RND1: variants seen among roughly 807,000 people sequenced by gnomAD.
RND1 encodes the protein Rho family GTPase 1.
In RND1, 9 loss-of-function variants were observed where a neutral mutation model predicts 27.1. That is an observed-to-expected ratio of 0.33 (90% CI 0.20 to 0.58). The LOEUF is 0.58. Among genes scored for constraint, RND1 ranks in the 20% least tolerant of loss-of-function variants. The probability of loss-of-function intolerance (pLI) is 0.86; values close to 1 mark genes in which losing one functional copy is unlikely to be tolerated. For synonymous variants in RND1, 108 were observed against 115.7 expected (o/e 0.93, Z 0.43); for missense variants, 253 against 292.2 (o/e 0.87, Z 0.98).
intron 4 of RND1, 126 bp from the exon 5 acceptor site, chr12:48,858,367 G>T: frequency 1.0e-6 from 1 of 969,096 alleles, no homozygotes; most frequent in South Asian, 1.9e-5. Context: ...ACCACCCTCT[G>T]CAGATTATTC....
Position 48,865,810 on chromosome 12 carries a change from G to C in RND1, c.-43C>G. ...GACTTGAACTTCGATTCAGAAGGGA[G>C]GGTTGCGCCAGGTGCGTCTCAGCAC... On this transcript the variant is annotated 5_prime_UTR_variant, in exon 1 of 5. Transcript: ENST00000309739. The C allele has an allele frequency of 6.5e-7, 1 of 1,546,772 alleles. No homozygotes were observed. Among genetic ancestry groups the C allele is most frequent in the Non-Finnish European group, 8.8e-7 (1 of 1,140,218 alleles).
chr12:48,858,615 A>G (rs569293638), intron 4 of RND1: 1 of 176,716 alleles, frequency 5.7e-6, no homozygotes, highest in South Asian at 1.7e-4. Flanking sequence ...GGAGTTCAAG[A>G]CCAGCCTAGG....
chr12:48,860,435 C>T (rs1306861052), intron 4 of RND1, among the ~76,000 whole-genome samples: 2 of 151,712 alleles, frequency 1.3e-5, no homozygotes, highest in Non-Finnish European at 2.9e-5. Flanking sequence ...GTCACTCAGG[C>T]TGGAGTGCAG....
rs747518095 is a variant in RND1 at position 48,857,954 on chromosome 12, A to AGGGAGGAAGTAGGGGTTG, written c.*41_*42insCAACCCCTACTTCCTCCC. Reference sequence around the variant, plus strand: ...CCTCTCCCCGTGCCTCTGCACCCCAAGGGAGGAAGTAGGGGGTTGTCTCCC... The same window carrying AGGGAGGAAGTAGGGGTTG: ...CCTCTCCCCGTGCCTCTGCACCCCAAGGGAGGAAGTAGGGGTTGGGGAGGAAGTAGGGGGTTGTCTCCC... On this transcript the variant is annotated 3_prime_UTR_variant, in exon 5 of 5. Transcript: ENST00000309739. The AGGGAGGAAGTAGGGGTTG allele has an allele frequency of 5.8e-5, 90 of 1,550,730 alleles. No homozygotes were observed. In the African/African-American group the frequency reaches 1.1e-3, roughly 19 times the overall value.
intron 4 of RND1, among the ~76,000 whole-genome samples, chr12:48,860,691 T>A (rs1390778682): frequency 9.7e-5 from 14 of 144,470 alleles, no homozygotes; most frequent in Non-Finnish European, 2.1e-4. Flanking sequence ...ATGAGCCACC[T>A]TGCACCTGGC....
At chr12:48,858,369 A>C in intron 4 of RND1, 128 bp from the exon 5 acceptor site, 1 of 926,508 alleles carries the variant, frequency 1.1e-6, no homozygotes, top group Non-Finnish European at 1.5e-6. Flanking sequence ...CACCCTCTGC[A>C]GATTATTCGA....
intron 2 of RND1, among the ~76,000 whole-genome samples, chr12:48,862,907 G>C (rs1938934670): frequency 6.6e-6 from 1 of 152,078 alleles, no homozygotes; most frequent in Non-Finnish European, 1.5e-5. Context: ...TCCGTGCTCA[G>C]AATAGCAAGC....
chr12:48,865,539 T>A (rs763513810), intron 1 of RND1, 109 bp downstream of exon 1: 100 of 1,309,460 alleles, frequency 7.6e-5, no homozygotes, highest in Non-Finnish European at 7.9e-5. Context: ...AGAAAGCGGC[T>A]GAGGATGGGC....
chr12:48,862,402 T>C (rs1938929979), intron 2 of RND1, among the ~76,000 whole-genome samples: 1 of 152,188 alleles, frequency 6.6e-6, no homozygotes, highest in South Asian at 2.1e-4. Flanking sequence ...ATTGGAGATC[T>C]ACTAGTTTTC....
chr12:48,861,356 C>A (rs1938917307), intron 3 of RND1, among the ~76,000 whole-genome samples: 1 of 152,126 alleles, frequency 6.6e-6, no homozygotes, highest in Non-Finnish European at 1.5e-5. Context: ...GAGCCTGTTC[C>A]CCCAGTCTAT....
chr12:48,865,738 G>T lies in RND1; in HGVS notation c.30C>A (p.Val10=). 6.2e-7 allele frequency: 1 copy of T among 1,608,688 alleles called. No individual in the cohort carries two copies. The highest frequency in any genetic ancestry group is 8.5e-7 in the Non-Finnish European group (1 of 1,175,866). The change falls in exon 1 of 5, where the codon GTC becomes GTA. Residue 10 remains valine, a synonymous_variant. Coordinates refer to ENST00000309739, the MANE Select transcript of RND1 (RefSeq NM_014470.4). The part of the protein sequence containing the change: MKERRAPQP[V]VARCKLVLVG... ...CCAGAACGAGCTTACATCTGGCCAC[G>T]ACTGGCTGGGGGGCCCGTCTCTCCT...
intron 1 of RND1, 56 bp downstream of exon 1, chr12:48,865,592 C>T (rs1454760272): frequency 6.4e-7 from 1 of 1,560,602 alleles, no homozygotes; most frequent in East Asian, 2.4e-5. Flanking sequence ...TGGAAATCTA[C>T]CCCAAGGCGG....
At chr12:48,864,650 C>T in intron 2 of RND1, 133 bp downstream of exon 2, 1 of 739,678 alleles carries the variant, frequency 1.4e-6, no homozygotes, top group Non-Finnish European at 2.4e-6. Flanking sequence ...GTCAGCCCTC[C>T]CCACAACTAA....
At position 48,858,095 on chromosome 12, in the gene RND1, G is replaced by A. The variant is rs1352922138; in HGVS notation, c.600C>T (p.Val200=). The A allele has an allele frequency of 1.9e-6, 3 of 1,614,216 alleles. No homozygotes were observed. ...KPSPLPQKSP[V]RSLSKRLLHL... is the part of the protein sequence containing the mutation. ...GGAGCAGTCGTTTGGAGAGGCTTCG[G>A]ACAGGGCTCTTCTGGGGCAGTGGGC... The change falls in exon 5 of 5, where the codon GTC becomes GTT. Residue 200 remains valine, a synonymous_variant. Coordinates refer to ENST00000309739, the MANE Select transcript of RND1 (RefSeq NM_014470.4).
At chr12:48,860,067 C>CTT (rs2137507405) in intron 4 of RND1, among the ~76,000 whole-genome samples, 1 of 148,328 alleles carries the variant, frequency 6.7e-6, no homozygotes, top group East Asian at 2.1e-4. Flanking sequence ...CATGAGCCAC[C>CTT]ACACCTGGCC....
At chr12:48,859,710 G>A (rs147977661) in intron 4 of RND1, among the ~76,000 whole-genome samples, 108 of 152,224 alleles carry the variant, frequency 7.1e-4, no homozygotes, top group African/African-American at 2.4e-3. Flanking sequence ...AACATACTGA[G>A]ACCTTGTCTC....
Position 48,857,847 on chromosome 12 carries a change from C to G in RND1, c.*149G>C. On this transcript the variant is annotated 3_prime_UTR_variant, in exon 5 of 5. Transcript: ENST00000309739. ...CTCATGCCGGGCCTGGCTCCTTCCT[C>G]GCCCCATTCCTGTCTCCTTCCAAGC... 1 of 901,132 alleles carries G rather than the reference C, an allele frequency of 1.1e-6. No homozygotes were observed. The highest frequency in any genetic ancestry group is 2.9e-5 in the East Asian group (1 of 35,002). The allele number at this position is 901,132 out of a possible 1,614,324, so 55.8% of individuals were successfully genotyped here.
rs764035056 is a variant in RND1, at chr12:48,858,213, G to A, written c.482C>T (p.Ala161Val). ...AGCTGAGCCTTCCAGGTAGATTTCT[G>A]CACCCAGCTGCTTTGCTATTGCACA... ...QGCAIAKQLG[A>V]EIYLEGSAFT... The change falls in exon 5 of 5, where the codon GCA becomes GTA. Residue 161 changes from alanine (A) to valine (V), a missense_variant. Ala to Val is a moderately conservative substitution (Grantham distance 64). Transcript: ENST00000309739. 6.2e-7 allele frequency: 1 copy of A among 1,613,886 alleles called. No homozygotes were observed. The highest frequency in any genetic ancestry group is 1.3e-5 in the African/African-American group (1 of 74,862).
intron 1 of RND1, chr12:48,865,439 C>A: frequency 1.7e-6 from 1 of 599,552 alleles, no homozygotes; most frequent in Non-Finnish European, 3.0e-6. Context: ...GAGGAGGAGC[C>A]AGCGGGGCGG....
Sources: allele counts gnomAD v4.1 joint callset (sites outside exome capture counted in the v4.1 genomes callset), GRCh38; gene constraint gnomAD v4.1.1; transcripts MANE v1.5; gene names NCBI Gene and HGNC (gene_info 2026-07-23, HGNC 2026-07-21).